Variants in FBXO11 observed in about 807,000 individuals in gnomAD.
FBXO11 encodes the protein F-box only protein 11.
FBXO11 carries 13 observed loss-of-function variants against 117.0 expected under a neutral mutation model. That is an observed-to-expected ratio of 0.11 (90% CI 0.07 to 0.18). The LOEUF (loss-of-function observed/expected upper bound fraction) is 0.18, where lower values mean the gene tolerates loss of function less well. FBXO11 is among the 10% of genes least tolerant of loss of function. The pLI is 1.00. For synonymous variants in FBXO11, 490 were observed against 380.5 expected (o/e 1.29, Z -3.35); for missense variants, 767 against 1,164.4 (o/e 0.66, Z 4.97).
intron 11 of FBXO11, among the ~76,000 whole-genome samples, chr2:47,824,744 T>C (rs1376590438): frequency 1.3e-5 from 2 of 152,166 alleles, no homozygotes; most frequent in Non-Finnish European, 2.9e-5. Flanking sequence ...TTATGGATAA[T>C]TATGTGTTTC....
intron 1 of FBXO11, among the ~76,000 whole-genome samples, chr2:47,869,399 T>G (rs1310688889): frequency 3.3e-5 from 5 of 152,224 alleles, no homozygotes; most frequent in African/African-American, 7.2e-5. Context: ...TGACTGATCT[T>G]GACAACCAAG....
At position 47,905,563 on chromosome 2, in the gene FBXO11, T is replaced by G. The variant is rs1558493154; in HGVS notation, c.158A>C (p.Gln53Pro). 1 of 1,250,210 alleles carries G rather than the reference T, an allele frequency of 8.0e-7. No individual in the cohort carries two copies. The highest frequency in any genetic ancestry group is 1.0e-6 in the Non-Finnish European group (1 of 1,000,100). 77.4% of individuals were successfully genotyped at this position (1,250,210 alleles called of 1,614,324 possible). A position where few individuals can be genotyped will look rare whatever the true frequency, so the allele number is the denominator to read the frequency against. Residue 53 changes from glutamine (Q) to proline (P), a missense_variant, in exon 1 of 23, where the codon CAG (glutamine) becomes CCG (proline). Gln to Pro is a moderately conservative substitution (Grantham distance 76, BLOSUM62 -1). Around this residue, in one of 10 missense-constraint regions of FBXO11, gnomAD observed 355 missense variants for 299.8 expected, o/e 1.18. Coordinates refer to ENST00000403359, the MANE Select transcript of FBXO11 (RefSeq NM_001190274.2). Reference protein sequence around the residue: ...QQPPPPPQQQQQQQPPPPPPP... With the variant: ...QQPPPPPQQQPQQQPPPPPPP... ...TGGCGGCGGCGGAGGCTGCTGCTGCTGCTGCTGCTGCGGCGGCGGCGGAGG... is the reference window on the plus strand; with the variant it reads ...TGGCGGCGGCGGAGGCTGCTGCTGCGGCTGCTGCTGCGGCGGCGGCGGAGG...
At chr2:47,905,059 C>A (rs965119330) in intron 1 of FBXO11, 3 of 153,940 alleles carry the variant, frequency 1.9e-5, no homozygotes, top group Admixed American at 1.3e-4. Context: ...CCAACCCCAC[C>A]ACCCGATCGC....
At chr2:47,872,039 C>G (rs976535617) in intron 1 of FBXO11, among the ~76,000 whole-genome samples, 3 of 152,196 alleles carry the variant, frequency 2.0e-5, no homozygotes, top group Non-Finnish European at 4.4e-5. Context: ...CCCTCTGAAT[C>G]TTAGTTTCTT....
At chr2:47,812,660 T>C (rs537836910) in intron 18 of FBXO11, among the ~76,000 whole-genome samples, 7 of 152,334 alleles carry the variant, frequency 4.6e-5, no homozygotes, top group South Asian at 2.1e-4. Flanking sequence ...TGTTGGGTTA[T>C]TGACATTTCA....
Position 47,838,897 on chromosome 2 carries a change from A to G in FBXO11, c.549T>C (p.Cys183=), listed in dbSNP as rs747367036. Residue 183 remains cysteine (C), a synonymous_variant, in exon 4 of 23, where the codon TGT becomes TGC. Coordinates refer to ENST00000403359, the MANE Select transcript of FBXO11 (RefSeq NM_001190274.2). ...CATTAGCAAGTTCACTGAAGCGTTT[A>G]CATACACAAGCTGCTCTACAAAGAT... ...EQDLCRAACV[C]KRFSELANDP... is the part of the protein sequence containing the mutation. The G allele has an allele frequency of 3.6e-5, 58 of 1,613,962 alleles. No homozygotes were observed. Among genetic ancestry groups the G allele is most frequent in the Non-Finnish European group, 4.7e-5 (56 of 1,179,958 alleles).
chr2:47,864,968 C>T (rs915866626), intron 1 of FBXO11, among the ~76,000 whole-genome samples: 16 of 152,168 alleles, frequency 1.1e-4, no homozygotes, highest in African/African-American at 3.6e-4. Flanking sequence ...CGTGTACAAA[C>T]AAAACACCTG....
chr2:47,833,203 TTCA>T (rs1672312441), intron 7 of FBXO11, 133 bp from the exon 8 acceptor site: 3 of 622,814 alleles, frequency 4.8e-6, no homozygotes, highest in Non-Finnish European at 8.5e-6. Flanking sequence ...TTAACTATGT[TTCA>T]TCATCAGCCT....
chr2:47,866,034 T>C (rs1289769428), intron 1 of FBXO11: 1 of 152,072 alleles, frequency 6.6e-6, no homozygotes, highest in Non-Finnish European at 1.5e-5. Flanking sequence ...GAAGAATCAC[T>C]TGCAGCCAGG....
chr2:47,825,946 G>T (rs1025402635), intron 11 of FBXO11, among the ~76,000 whole-genome samples: 1 of 151,926 alleles, frequency 6.6e-6, no homozygotes, highest in African/African-American at 2.4e-5. Context: ...CAGTGATACA[G>T]TAAAAAAAAA....
In FBXO11 at chr2:47,887,661, G is replaced by A. The variant is rs554560379; in HGVS notation, c.232+17828C>T. On this transcript the variant is annotated intron_variant, in intron 1 of 22. Transcript: ENST00000403359. The stretch of plus-strand genomic sequence containing the variant: ...GAACTGCTGGAGCCCAGGAGTTCAA[G>A]GCCATTCTGGGCAACATGGTGAAAT... 3.9e-5 allele frequency among the ~76,000 whole-genome samples: 6 copies of A among 152,172 alleles called. No individual in the cohort carries two copies. The South Asian group carries it at 1.2e-3, about 32-fold the overall frequency.
At chr2:47,866,043 G>A (rs1675167915) in intron 1 of FBXO11, among the ~76,000 whole-genome samples, 1 of 152,040 alleles carries the variant, frequency 6.6e-6, no homozygotes, top group South Asian at 2.1e-4. Context: ...CTTGCAGCCA[G>A]GAGTTCAAGA....
chr2:47,882,556 A>C (rs1288552569), intron 1 of FBXO11, among the ~76,000 whole-genome samples: 1 of 152,202 alleles, frequency 6.6e-6, no homozygotes, highest in African/African-American at 2.4e-5. Context: ...TTAAAAAAAT[A>C]AAATCTTTAT....
At chr2:47,816,237 T>C (rs558897462) in intron 16 of FBXO11, among the ~76,000 whole-genome samples, 76 of 152,266 alleles carry the variant, frequency 5.0e-4, no homozygotes, top group African/African-American at 1.7e-3. Context: ...TGGAGCACAG[T>C]GGTATAATCA....
intron 11 of FBXO11, among the ~76,000 whole-genome samples, chr2:47,824,266 C>A (rs1328570853): frequency 6.6e-6 from 1 of 152,116 alleles, no homozygotes; most frequent in Non-Finnish European, 1.5e-5. Flanking sequence ...GCAGGGAGGA[C>A]TGCTTGAGCC....
chr2:47,837,135 G>A (rs750470789), intron 4 of FBXO11: 1 of 179,874 alleles, frequency 5.6e-6, no homozygotes, highest in Non-Finnish European at 1.2e-5. Context: ...CTTCAAACTG[G>A]AGTAATGGCT....
chr2:47,813,063 C>A, intron 18 of FBXO11, 171 bp downstream of exon 18: 1 of 687,296 alleles, frequency 1.5e-6, no homozygotes, highest in South Asian at 1.7e-5. Context: ...GTATTGTAAA[C>A]ATTTGTCTCT....
intron 1 of FBXO11, among the ~76,000 whole-genome samples, chr2:47,875,622 T>C (rs1675943755): frequency 6.6e-6 from 1 of 152,056 alleles, no homozygotes; most frequent in Admixed American, 6.6e-5. Flanking sequence ...GTTAGGTTTA[T>C]AAAAAAGGGT....
intron 1 of FBXO11, among the ~76,000 whole-genome samples, chr2:47,898,452 A>G (rs576761920): frequency 1.3e-5 from 2 of 152,320 alleles, no homozygotes; most frequent in Non-Finnish European, 1.5e-5. Context: ...TTTAACGCAC[A>G]TTTTTCTCCT....
Sources: gnomAD v4.1 joint callset for allele counts (sites outside exome capture counted in the v4.1 genomes callset) on GRCh38, gnomAD v4.1.1 for gene constraint, gnomAD v4.1.1 regional missense constraint, MANE v1.5 for transcripts, NCBI Gene and HGNC (gene_info 2026-07-23, HGNC 2026-07-21) for gene names.